Variants in DYRK1B observed in about 807,000 individuals in gnomAD.
DYRK1B encodes dual specificity tyrosine phosphorylation regulated kinase 1B, also known as dual specificity tyrosine-phosphorylation-regulated kinase 1B.
In DYRK1B, 20 loss-of-function variants were observed where a neutral mutation model predicts 57.1. That is an observed-to-expected ratio of 0.35 (90% confidence interval 0.25 to 0.51). DYRK1B has a LOEUF of 0.51. Ranked by LOEUF, DYRK1B falls within the 20% of genes least tolerant of loss-of-function variation. The probability of loss-of-function intolerance (pLI) is 0.96; values close to 1 mark genes in which losing one functional copy is unlikely to be tolerated. For missense variants in DYRK1B, 732 were observed against 886.3 expected (o/e 0.83, Z 2.21); for synonymous variants, 409 against 384.7 (o/e 1.06, Z -0.74).
At position 39,825,857 on chromosome 19, in the gene DYRK1B, G is replaced by A. The variant is rs770275514; in HGVS notation, c.1748C>T (p.Ala583Val). 4.2e-5 allele frequency: 67 copies of A among 1,605,482 alleles called. No homozygotes were observed. Among genetic ancestry groups the A allele is most frequent in the Admixed American group, 1.7e-5 (1 of 59,402 alleles). Residue 583 changes from alanine (A) to valine (V), a missense_variant, in exon 11 of 11, where the codon GCC (alanine) becomes GTC (valine). Physicochemically the swap from Ala to Val is moderately conservative, Grantham distance 64. Coordinates refer to ENST00000323039, the MANE Select transcript of DYRK1B (RefSeq NM_004714.3). ...GGCTGAGGCAGCCGGGTGCTGGGGG[G>A]CAGGCGCTGGGTGAGGTGGGGAGCA... ...ADCSPPHPAP[A>V]PQHPAASALR...
Position 39,825,891 on chromosome 19 carries a change from G to A in DYRK1B, c.1714C>T (p.Pro572Ser). 1.9e-6 allele frequency: 3 copies of A among 1,581,560 alleles called. No homozygotes were observed. The highest frequency in any genetic ancestry group is 1.2e-5 in the South Asian group (1 of 85,434). ...ELMDVSLVGG[P>S]ADCSPPHPAP... ...GGGTGAGGTGGGGAGCAGTCAGCAG[G>A]GCCGCCCACCAGGCTCACATCCATC... The change falls in exon 11 of 11, where the codon CCT becomes TCT. Residue 572 changes from proline (P) to serine (S), a missense_variant. Physicochemically the swap from Pro to Ser is moderately conservative, Grantham distance 74. Around this residue, in one of 2 missense-constraint regions of DYRK1B, gnomAD observed 222 missense variants for 205.0 expected, o/e 1.08. Transcript: ENST00000323039.
chr19:39,828,226 C>G lies in DYRK1B; in HGVS notation c.807+71G>C. The G allele has an allele frequency of 1.3e-6, 2 of 1,541,836 alleles. No individual in the cohort carries two copies. The highest frequency in any genetic ancestry group is 1.8e-6 in the Non-Finnish European group (2 of 1,134,202). ...TAATCCCATCCCAGCCAAGCCCCGC[C>G]CCTAAGCCTCCCGTTGGCTCTGCCC... is the stretch of plus-strand genomic sequence containing the variant. On this transcript the variant is annotated intron_variant, in intron 6 of 10. Transcript: ENST00000323039. This position sits in a 1 kb window ranked among gnomAD's most constrained non-coding sequence, Gnocchi z 4.3.
chr19:39,825,985 G>A lies in DYRK1B; in HGVS notation c.1620C>T (p.Ala540=), dbSNP rs1968515622. The change falls in exon 11 of 11, where the codon GCC becomes GCT. Residue 540 remains alanine (A), a synonymous_variant. Coordinates refer to ENST00000323039, the MANE Select transcript of DYRK1B (RefSeq NM_004714.3). ...ASASSLPGTG[A]QLPPQPRYLG... ...GGTATCGGGGCTGGGGGGGTAACTG[G>A]GCCCCGGTCCCAGGCAGTGACGAGG... 6.6e-7 allele frequency: 1 copy of A among 1,523,764 alleles called. No homozygotes were observed. The highest frequency in any genetic ancestry group is 1.4e-5 in the African/African-American group (1 of 71,752). 94.4% of individuals were successfully genotyped at this position (1,523,764 alleles called of 1,614,324 possible). A position where few individuals can be genotyped will look rare whatever the true frequency, so the allele number is the denominator to read the frequency against.
Position 39,826,720 on chromosome 19 carries a change from G to C in DYRK1B, c.1363C>G (p.Leu455Val). Residue 455 changes from leucine to valine, a missense_variant, in exon 9 of 11, where the codon CTC becomes GTC. This residue lies in a region of DYRK1B where 510 missense variants were observed against 681.3 expected (regional missense o/e 0.75). Transcript: ENST00000323039. This position sits in a 1 kb window ranked among gnomAD's most constrained non-coding sequence, Gnocchi z 6.3. ...GTGCTGGAAGAGGGGCAGGTGTCGA[G>C]GGGCGCGGGCGAGGTGGAGGCACTG... ...GSSASTSPAP[L>V]DTCPSSSTAS... is the part of the protein sequence containing the mutation. The C allele has an allele frequency of 1.9e-6, 3 of 1,604,864 alleles. No individual in the cohort carries two copies. The highest frequency in any genetic ancestry group is 2.5e-6 in the Non-Finnish European group (3 of 1,176,808).
At chr19:39,832,107 GA>G (rs3217031) in intron 1 of DYRK1B, 139 bp from the exon 2 acceptor site, 455,254 of 890,208 alleles carry the variant, frequency 0.51, 121,716 homozygotes, top group African/African-American at 0.66. Context: ...AGATAGCAAT[GA>G]AGAGAAGGGG....
In DYRK1B at chr19:39,826,991, G is replaced by C; in HGVS notation, c.1096-4C>G. 1 of 1,435,936 alleles carries C rather than the reference G, an allele frequency of 7.0e-7. No individual in the cohort carries two copies. The highest frequency in any genetic ancestry group is 9.1e-7 in the Non-Finnish European group (1 of 1,098,696). 88.9% of individuals were successfully genotyped at this position (1,435,936 alleles called of 1,614,324 possible). On this transcript the variant is annotated splice_region_variant and splice_polypyrimidine_tract_variant and intron_variant, in intron 8 of 10. Coordinates refer to ENST00000323039, the MANE Select transcript of DYRK1B (RefSeq NM_004714.3). This position sits in a 1 kb window ranked among gnomAD's most constrained non-coding sequence, Gnocchi z 6.3. The stretch of plus-strand genomic sequence containing the variant: ...GTGTCCCGGGGCCCTGGTAATCCTG[G>C]CAGGGAGGGGGTGGGAGGGGGGGCA...
chr19:39,833,422 ACAGGAGG>A, intron 1 of DYRK1B: 1 of 908,808 alleles, frequency 1.1e-6, no homozygotes, highest in Non-Finnish European at 1.3e-6. Flanking sequence ...GGCAAGCGGG[ACAGGAGG>A]CCCGGTGGGT....
Position 39,831,980 on chromosome 19 carries a change from C to T in DYRK1B, c.-101-12G>A. The T allele has an allele frequency of 7.0e-7, 1 of 1,419,400 alleles. No homozygotes were observed. The highest frequency in any genetic ancestry group is 9.2e-7 in the Non-Finnish European group (1 of 1,089,130). The allele number at this position is 1,419,400 out of a possible 1,614,324, so 87.9% of individuals were successfully genotyped here. The stretch of plus-strand genomic sequence containing the variant: ...ACCGCCGCTGAGACCTGAGAGCAGA[C>T]AGGAAGTGGGAAAACAACATGGAAC... On this transcript the variant is annotated splice_polypyrimidine_tract_variant and intron_variant, in intron 1 of 10. Transcript: ENST00000323039.
chr19:39,826,929 CCGCCCGTCTGCA>C lies in DYRK1B; in HGVS notation c.1142_1153del (p.Val381_Gly384del). ...CTCCCCCGCCCGCCGGCCCCCGGGC[CCGCCCGTCTGCA>C]CGCCCAGCACCTCCTGCAGCCGCCG... On this transcript the variant is annotated inframe_deletion, in exon 9 of 11. Coordinates refer to ENST00000323039, the MANE Select transcript of DYRK1B (RefSeq NM_004714.3). This position sits in a 1 kb window ranked among gnomAD's most constrained non-coding sequence, Gnocchi z 6.3. 1.4e-6 allele frequency: 2 copies of C among 1,434,172 alleles called. No individual in the cohort carries two copies. Among genetic ancestry groups the C allele is most frequent in the East Asian group, 5.6e-5 (2 of 35,806 alleles). 88.8% of individuals were successfully genotyped at this position (1,434,172 alleles called of 1,614,324 possible). A position where few individuals can be genotyped will look rare whatever the true frequency, so the allele number is the denominator to read the frequency against.
In DYRK1B at chr19:39,828,429, C is replaced by A; in HGVS notation, c.675G>T (p.Leu225=). 1 of 1,613,944 alleles carries A rather than the reference C, an allele frequency of 6.2e-7. No homozygotes were observed. The highest frequency in any genetic ancestry group is 1.1e-5 in the South Asian group (1 of 91,006). Residue 225 remains leucine (L), a synonymous_variant, in exon 6 of 11, where the codon CTG becomes CTT. Coordinates refer to ENST00000323039, the MANE Select transcript of DYRK1B (RefSeq NM_004714.3). This position sits in a 1 kb window ranked among gnomAD's most constrained non-coding sequence, Gnocchi z 4.3. ...TGAGCTCAGGCGTGGCCAGAAAGAG[C>A]AGTGCCGTGCAGAGCTGCTGCGCCA... ...RKLAQQLCTA[L]LFLATPELSI...
rs762958782 is a variant in DYRK1B, at chr19:39,830,421, T to C, written c.326A>G (p.Glu109Gly). ...YIVRSGERWLERYEIDSLIGK... is the reference protein window; with the variant it reads ...YIVRSGERWLGRYEIDSLIGK... ...AATGAGCGAGTCAATTTCGTAGCGC[T>C]CCAGCCAGCGCTCGCCACTGCGCAC... Residue 109 changes from glutamate to glycine, a missense_variant, in exon 4 of 11, where the codon GAG becomes GGG. Physicochemically the swap from Glu to Gly is moderately conservative, Grantham distance 98. This residue lies in a region of DYRK1B where 510 missense variants were observed against 681.3 expected (regional missense o/e 0.75). Transcript: ENST00000323039. 3.7e-6 allele frequency: 6 copies of C among 1,614,024 alleles called. No homozygotes were observed. Among genetic ancestry groups the C allele is most frequent in the African/African-American group, 1.3e-5 (1 of 74,920 alleles).
chr19:39,827,221 G>A lies in DYRK1B; in HGVS notation c.1095+64C>T, dbSNP rs1286678373. 5.9e-6 allele frequency: 9 copies of A among 1,533,438 alleles called. No individual in the cohort carries two copies. In the East Asian group the frequency reaches 2.1e-4, roughly 35 times the overall value. The allele number at this position is 1,533,438 out of a possible 1,614,324, so 95.0% of individuals were successfully genotyped here. ...ACACAAGGGAGAGGGAGCAGGGGGA[G>A]AGAGCCCCAAGTGTGAGTGAGGGGC... On this transcript the variant is annotated intron_variant, in intron 8 of 10. Coordinates refer to ENST00000323039, the MANE Select transcript of DYRK1B (RefSeq NM_004714.3).
At chr19:39,832,398 C>T (rs1968860190) in intron 1 of DYRK1B, among the ~76,000 whole-genome samples, 1 of 152,096 alleles carries the variant, frequency 6.6e-6, no homozygotes. Context: ...CACAAGATGC[C>T]ACTTTCTGTA....
At chr19:39,832,132 G>A (rs1266186698) in intron 1 of DYRK1B, among the ~76,000 whole-genome samples, 164 bp from the exon 2 acceptor site, 1 of 100,578 alleles carries the variant, frequency 9.9e-6, no homozygotes, top group African/African-American at 4.9e-5. Context: ...AGAAGTGGTA[G>A]CCAGGTGGGG....
intron 1 of DYRK1B, chr19:39,832,934 TACAC>T (rs368444011): frequency 1.0e-6 from 1 of 958,914 alleles, no homozygotes; most frequent in South Asian, 4.8e-5. Flanking sequence ...CTTGCCCCCC[TACAC>T]ACACACACAC....
chr19:39,833,088 C>G (rs909292928), intron 1 of DYRK1B: 24 of 985,300 alleles, frequency 2.4e-5, no homozygotes, highest in Non-Finnish European at 2.9e-5. Flanking sequence ...CCAGAGTTGT[C>G]AGCTACAGCA....
At chr19:39,831,599 A>G (rs1326480173) in intron 2 of DYRK1B, among the ~76,000 whole-genome samples, 1 of 152,198 alleles carries the variant, frequency 6.6e-6, no homozygotes, top group Non-Finnish European at 1.5e-5. Flanking sequence ...AACCTAAGGA[A>G]TTTAACCACT....
chr19:39,830,170 T>A (rs1968740478), intron 4 of DYRK1B, 143 bp from the exon 5 acceptor site: 2 of 1,181,952 alleles, frequency 1.7e-6, no homozygotes, highest in Non-Finnish European at 2.4e-6. Context: ...CAGGCGCTGG[T>A]GTAAACACTG....
chr19:39,826,729 G>A lies in DYRK1B; in HGVS notation c.1354C>T (p.Pro452Ser). The change falls in exon 9 of 11, where the codon CCC (proline) becomes TCC (serine). Residue 452 changes from proline (P) to serine (S), a missense_variant. Transcript: ENST00000323039. The surrounding 1 kb of genome is among the most constrained non-coding windows in gnomAD (Gnocchi z 6.3). The stretch of plus-strand genomic sequence containing the variant: ...GAGGGGCAGGTGTCGAGGGGCGCGG[G>A]CGAGGTGGAGGCACTGCTGCCTGCC... ...GPAGSSASTS[P>S]APLDTCPSSS... The A allele has an allele frequency of 6.2e-7, 1 of 1,601,612 alleles. No individual in the cohort carries two copies. Among genetic ancestry groups the A allele is most frequent in the Non-Finnish European group, 8.5e-7 (1 of 1,175,560 alleles).
Sources: gnomAD v4.1 joint callset for allele counts (sites outside exome capture counted in the v4.1 genomes callset) on GRCh38, gnomAD v4.1.1 for gene constraint, gnomAD v4.1.1 regional missense constraint, Gnocchi (gnomAD v3.1) non-coding constraint, MANE v1.5 for transcripts, NCBI Gene and HGNC (gene_info 2026-07-23, HGNC 2026-07-21) for gene names.